PLCG2: variants seen among roughly 807,000 people sequenced by gnomAD.
PLCG2 encodes the protein 1-phosphatidylinositol 4,5-bisphosphate phosphodiesterase gamma-2.
PLCG2 carries 69 observed loss-of-function variants against 175.6 expected under a neutral mutation model. The ratio of observed to expected loss-of-function variants is 0.39; its 90% confidence interval spans 0.32 to 0.48. PLCG2 has a LOEUF of 0.48. PLCG2 is among the 20% of genes least tolerant of loss of function. The pLI, the probability that PLCG2 is intolerant of heterozygous loss-of-function variation, is 0.91. For missense variants in PLCG2, 1,798 were observed against 1,650.9 expected, an observed-to-expected ratio of 1.09 and a Z score of -1.54; for synonymous variants, 827 against 624.0, an observed-to-expected ratio of 1.33 and a Z score of -4.85.
At chr16:81,845,253 T>G (rs1343652834) in intron 2 of PLCG2, among the ~76,000 whole-genome samples, 1 of 152,234 alleles carries the variant, frequency 6.6e-6, no homozygotes, top group Non-Finnish European at 1.5e-5. Flanking sequence ...GTGTTATTTC[T>G]TATGCCTTAT....
intron 2 of PLCG2, among the ~76,000 whole-genome samples, chr16:81,853,662 G>C (rs938862704): frequency 6.6e-6 from 1 of 152,122 alleles, no homozygotes; most frequent in Non-Finnish European, 1.5e-5. Context: ...CTTACTTGCC[G>C]GTACCAGTCC....
At chr16:81,834,591 AGCTGCTGCT>A (rs112113666) in intron 2 of PLCG2, among the ~76,000 whole-genome samples, 41 of 151,358 alleles carry the variant, frequency 2.7e-4, no homozygotes, top group African/African-American at 8.7e-4. Flanking sequence ...GGATCTGCAG[AGCTGCTGCT>A]GCTGCTGCTG....
intron 2 of PLCG2, among the ~76,000 whole-genome samples, chr16:81,853,676 G>T (rs1906537070): frequency 6.6e-6 from 1 of 152,146 alleles, no homozygotes; most frequent in African/African-American, 2.4e-5. Context: ...CCAGTCCATG[G>T]CCTGGGGGTT....
upstream of PLCG2, among the ~76,000 whole-genome samples, chr16:81,779,054 T>C (rs1007346495): frequency 2.6e-5 from 4 of 152,174 alleles, no homozygotes; most frequent in African/African-American, 9.7e-5. Flanking sequence ...CCTGGCCAAG[T>C]GGCCTCGGGC....
Position 81,958,249 on chromosome 16 carries a change from C to G in PLCG2, c.*251C>G, listed in dbSNP as rs1911654741. 3.9e-6 allele frequency: 2 copies of G among 516,918 alleles called. No individual in the cohort carries two copies. The highest frequency in any genetic ancestry group is 7.0e-6 in the Non-Finnish European group (2 of 286,136). The allele number at this position is 516,918 out of a possible 1,614,324, so 32.0% of individuals were successfully genotyped here. On this transcript the variant is annotated 3_prime_UTR_variant, in exon 33 of 33. Transcript: ENST00000564138. ...CCAAAATGTGCTCCTCATTTTTGGCCTCTCATGTTCCAAACCTCATTGAAT... is the reference window on the plus strand; with the variant it reads ...CCAAAATGTGCTCCTCATTTTTGGCGTCTCATGTTCCAAACCTCATTGAAT...
At chr16:81,808,653 C>T (rs1904293151) in intron 2 of PLCG2, among the ~76,000 whole-genome samples, 1 of 152,134 alleles carries the variant, frequency 6.6e-6, no homozygotes, top group South Asian at 2.1e-4. Context: ...GCCACCACGC[C>T]TGGCTAATTT....
In PLCG2 at chr16:81,960,134, C is replaced by T. The variant is rs1383646642; in HGVS notation, c.*2136C>T. On this transcript the variant is annotated 3_prime_UTR_variant, in exon 33 of 33. Coordinates refer to ENST00000564138, the MANE Select transcript of PLCG2 (RefSeq NM_002661.5). ...CTTCTCCTGGTGCTACAACCGGAAT[C>T]CACCATGAGAGAGTACTTTCTTCGG... 9.1e-6 allele frequency: 2 copies of T among 220,074 alleles called. No homozygotes were observed. The highest frequency in any genetic ancestry group is 1.8e-5 in the Non-Finnish European group (2 of 109,886). The allele number at this position is 220,074 out of a possible 1,614,324, so 13.6% of individuals were successfully genotyped here.
chr16:81,745,438 CAA>C, intron 1 of PLCG2, among the ~76,000 whole-genome samples: 1 of 152,184 alleles, frequency 6.6e-6, no homozygotes, highest in Non-Finnish European at 1.5e-5. Context: ...TTCATCCAAA[CAA>C]CGACTATAAC....
chr16:81,746,847 A>G (rs1229484567), intron 1 of PLCG2, among the ~76,000 whole-genome samples: 1 of 152,148 alleles, frequency 6.6e-6, no homozygotes, highest in Non-Finnish European at 1.5e-5. Context: ...AAGCAAACAG[A>G]TGTGCTTTGT....
chr16:81,850,221 C>T (rs1704184879), intron 2 of PLCG2, among the ~76,000 whole-genome samples: 1 of 152,142 alleles, frequency 6.6e-6, no homozygotes, highest in Non-Finnish European at 1.5e-5. Flanking sequence ...ATGTAATTAT[C>T]ATCAGTTTTG....
At chr16:81,885,414 T>C (rs997576108) in intron 9 of PLCG2, among the ~76,000 whole-genome samples, 10 of 152,214 alleles carry the variant, frequency 6.6e-5, no homozygotes, top group Non-Finnish European at 1.5e-5. Flanking sequence ...CTCACCTGTC[T>C]CAGCTCCCCA....
chr16:81,839,622 T>G, intron 2 of PLCG2, among the ~76,000 whole-genome samples: 1 of 152,338 alleles, frequency 6.6e-6, no homozygotes, highest in East Asian at 1.9e-4. Context: ...TTTCATAGTT[T>G]AGAGGTGCCA....
intron 7 of PLCG2, among the ~76,000 whole-genome samples, chr16:81,876,604 G>T (rs759579828): frequency 1.3e-5 from 2 of 152,200 alleles, no homozygotes; most frequent in African/African-American, 4.8e-5. Flanking sequence ...GCTACCAGAA[G>T]AAATTAGTTT....
At chr16:81,756,243 GGC>G (rs1332430313) in intron 2 of PLCG2, among the ~76,000 whole-genome samples, 6 of 152,240 alleles carry the variant, frequency 3.9e-5, no homozygotes, top group Admixed American at 1.3e-4. Context: ...ACTGGCAAGT[GGC>G]CACTGCCCCC....
intron 2 of PLCG2, among the ~76,000 whole-genome samples, chr16:81,768,266 G>A (rs1440539659): frequency 6.6e-6 from 1 of 152,198 alleles, no homozygotes; most frequent in African/African-American, 2.4e-5. Context: ...ATAGCCGAGT[G>A]CTACTTCACT....
rs548900367 is a variant in PLCG2 at position 81,843,456 on chromosome 16, A to G, written c.194-10988A>G. On this transcript the variant is annotated intron_variant, in intron 2 of 32. Coordinates refer to ENST00000564138, the MANE Select transcript of PLCG2 (RefSeq NM_002661.5). ...CAATATATTACATCATATTACACAG[A>G]GACAAGCGCTGATGCATTACCAACT... is the stretch of plus-strand genomic sequence containing the variant. 2.0e-5 allele frequency among the ~76,000 whole-genome samples: 3 copies of G among 152,348 alleles called. No homozygotes were observed. In the South Asian group the frequency reaches 6.2e-4, roughly 32 times the overall value.
chr16:81,929,683 A>G (rs1354327071), intron 24 of PLCG2, among the ~76,000 whole-genome samples: 1 of 152,254 alleles, frequency 6.6e-6, no homozygotes, highest in South Asian at 2.1e-4. Context: ...GGCATGTGCC[A>G]CCATGCCCAG....
chr16:81,890,802 G>T (rs1376648131), intron 10 of PLCG2, among the ~76,000 whole-genome samples: 2 of 152,124 alleles, frequency 1.3e-5, no homozygotes, highest in Admixed American at 6.5e-5. Flanking sequence ...TTCTGATATG[G>T]ATAACACTCT....
intron 2 of PLCG2, among the ~76,000 whole-genome samples, chr16:81,823,324 A>C (rs920018209): frequency 2.6e-5 from 4 of 152,200 alleles, no homozygotes; most frequent in Non-Finnish European, 5.9e-5. Context: ...CTCTCTCGAC[A>C]GAAACGCAGA....
Sources: gnomAD v4.1 joint callset for allele counts (sites outside exome capture counted in the v4.1 genomes callset) on GRCh38, gnomAD v4.1.1 for gene constraint, MANE v1.5 for transcripts, NCBI Gene and HGNC (gene_info 2026-07-23, HGNC 2026-07-21) for gene names.